SEMA3A: variants seen among roughly 807,000 people sequenced by gnomAD.
The protein encoded by SEMA3A is semaphorin 3A, also known as semaphorin-3A.
SEMA3A carries 29 observed loss-of-function variants against 97.9 expected under a neutral mutation model. The ratio of observed to expected loss-of-function variants is 0.30; its 90% confidence interval spans 0.22 to 0.40. The LOEUF (loss-of-function observed/expected upper bound fraction) is 0.40. Among genes scored for constraint, SEMA3A ranks in the 10% least tolerant of loss-of-function variants. The pLI is 1.00. For missense variants in SEMA3A, 763 were observed against 951.3 expected (o/e 0.80, Z 2.60); for synonymous variants, 321 against 323.7 (o/e 0.99, Z 0.09).
At chr7:84,125,053 T>C (rs1347277560) in intron 3 of SEMA3A, among the ~76,000 whole-genome samples, 1 of 152,044 alleles carries the variant, frequency 6.6e-6, no homozygotes, top group Non-Finnish European at 1.5e-5. Flanking sequence ...TGAAATAAAA[T>C]ATATAAAAAC....
At chr7:84,305,017 T>C (rs891247118) in intron 3 of SEMA3A, among the ~76,000 whole-genome samples, 1 of 151,988 alleles carries the variant, frequency 6.6e-6, no homozygotes, top group Non-Finnish European at 1.5e-5. Flanking sequence ...TGGAGCCATG[T>C]TGAGGGAAGA....
chr7:84,446,609 T>C (rs1805420442), intron 1 of SEMA3A, among the ~76,000 whole-genome samples: 1 of 152,168 alleles, frequency 6.6e-6, no homozygotes, highest in African/African-American at 2.4e-5. Flanking sequence ...AAATTTAACA[T>C]TACTTCATGA....
intron 1 of SEMA3A, among the ~76,000 whole-genome samples, chr7:84,191,512 C>T (rs1395744329): frequency 4.6e-5 from 7 of 151,720 alleles, no homozygotes; most frequent in Non-Finnish European, 1.0e-4. Flanking sequence ...GTGATTCATG[C>T]AGGTTTTTCT....
At chr7:84,259,901 T>C (rs1799808046) in intron 3 of SEMA3A, among the ~76,000 whole-genome samples, 1 of 151,902 alleles carries the variant, frequency 6.6e-6, no homozygotes. Flanking sequence ...GGCAAGCCCC[T>C]GGCTGTTCTC....
intron 10 of SEMA3A, among the ~76,000 whole-genome samples, 178 bp from the exon 11 acceptor site, chr7:84,005,736 C>A (rs1293678302): frequency 6.6e-6 from 1 of 151,974 alleles, no homozygotes; most frequent in Non-Finnish European, 1.5e-5. Context: ...TCACTTGAGG[C>A]CAGGAGTTGC....
intron 6 of SEMA3A, among the ~76,000 whole-genome samples, chr7:84,022,152 G>C (rs550496533): frequency 4.6e-5 from 7 of 152,202 alleles, no homozygotes; most frequent in African/African-American, 9.6e-5. Context: ...TGCATATTTG[G>C]AGATCAGAGA....
At chr7:84,329,687 C>T (rs902739643) in intron 2 of SEMA3A, among the ~76,000 whole-genome samples, 1 of 151,806 alleles carries the variant, frequency 6.6e-6, no homozygotes, top group Admixed American at 6.6e-5. Flanking sequence ...AGATGGAGGC[C>T]GTAGTTTTGT....
intron 2 of SEMA3A, among the ~76,000 whole-genome samples, chr7:84,369,101 C>A (rs1051528329): frequency 3.3e-5 from 5 of 150,706 alleles, no homozygotes; most frequent in East Asian, 1.9e-4. Context: ...CAGTGGAAAT[C>A]AAAAATATAG....
intron 1 of SEMA3A, among the ~76,000 whole-genome samples, chr7:84,416,937 G>C (rs1804452222): frequency 6.6e-6 from 1 of 152,090 alleles, no homozygotes; most frequent in African/African-American, 2.4e-5. Flanking sequence ...CAGACTTCCA[G>C]AGAGAATTAA....
At chr7:84,402,587 G>A (rs1011301853) in intron 1 of SEMA3A, among the ~76,000 whole-genome samples, 8 of 152,154 alleles carry the variant, frequency 5.3e-5, no homozygotes, top group African/African-American at 1.4e-4. Context: ...ATACGGAATC[G>A]ACCTAAGTGT....
At position 84,311,708 on chromosome 7, in the gene SEMA3A, T is replaced by C. The variant is rs112340939; in HGVS notation, c.-168-4416A>G. 3.3e-5 allele frequency among the ~76,000 whole-genome samples: 5 copies of C among 152,080 alleles called. 1 individual carries two copies. Among genetic ancestry groups the C allele is most frequent in the African/African-American group, 1.2e-4 (5 of 41,562 alleles). On this transcript the variant is annotated intron_variant, in intron 2 of 3. Transcript: ENST00000424555. Reference sequence around the variant, plus strand: ...GTTTTAGTTTCTATGAAAAAAGATATGCAAATTAAAAACTAAGAAATTTTA... The same window carrying C: ...GTTTTAGTTTCTATGAAAAAAGATACGCAAATTAAAAACTAAGAAATTTTA...
At chr7:84,429,516 T>TTTTATATATATATATACA (rs1554385260) in intron 1 of SEMA3A, among the ~76,000 whole-genome samples, 1 of 72,420 alleles carries the variant, frequency 1.4e-5, no homozygotes, top group African/African-American at 7.1e-5. Flanking sequence ...ATAGAGTTTG[T>TTTTATATATATATATACA]TATATATATA....
intron 1 of SEMA3A, among the ~76,000 whole-genome samples, chr7:84,394,773 G>T (rs764623225): frequency 2.0e-5 from 3 of 152,106 alleles, no homozygotes; most frequent in Non-Finnish European, 4.4e-5. Context: ...AGAAAAAACT[G>T]AAATGGATCT....
chr7:84,196,002 C>T (rs1402937341), upstream of SEMA3A, among the ~76,000 whole-genome samples: 1 of 152,068 alleles, frequency 6.6e-6, no homozygotes, highest in Non-Finnish European at 1.5e-5. Flanking sequence ...ATTTTTCATT[C>T]AGTTTTCCTC....
In SEMA3A at chr7:84,031,000, T is replaced by TTTG. The variant is rs1554397309; in HGVS notation, c.667+15323_667+15324insCAA. On this transcript the variant is annotated intron_variant, in intron 6 of 16. Transcript: ENST00000265362. ...ACTTTTGGTCAAGTTTTTTTTTTTT[T>TTTG]TTTTTTTTTTTGAGACGGAGTCTTG... Among the ~76,000 whole-genome samples, 692 of 144,844 alleles carry TTTG rather than the reference T, an allele frequency of 4.8e-3. 6 individuals carry two copies. The highest frequency in any genetic ancestry group is 0.017 in the African/African-American group (670 of 38,680).
At chr7:84,141,987 T>G (rs1796308309) in intron 1 of SEMA3A, among the ~76,000 whole-genome samples, 2 of 152,170 alleles carry the variant, frequency 1.3e-5, no homozygotes. Flanking sequence ...CCAGCTCCCA[T>G]ACTTCTAGAC....
At chr7:84,303,622 T>G (rs915434835) in intron 3 of SEMA3A, among the ~76,000 whole-genome samples, 1 of 152,078 alleles carries the variant, frequency 6.6e-6, no homozygotes, top group African/African-American at 2.4e-5. Flanking sequence ...TTTAGAAATT[T>G]TTCAACTTCA....
chr7:84,013,821 T>C (rs1197923608), intron 7 of SEMA3A, among the ~76,000 whole-genome samples: 1 of 152,162 alleles, frequency 6.6e-6, no homozygotes, highest in African/African-American at 2.4e-5. Context: ...CACTCCAGCC[T>C]AGGGGGCAGA....
chr7:84,423,205 C>G (rs1247132248), intron 1 of SEMA3A, among the ~76,000 whole-genome samples: 2 of 150,502 alleles, frequency 1.3e-5, no homozygotes, highest in Admixed American at 1.3e-4. Context: ...TTGTAGTTCT[C>G]ATACCATTAG....
Sources: allele counts gnomAD v4.1 joint callset (sites outside exome capture counted in the v4.1 genomes callset), GRCh38; gene constraint gnomAD v4.1.1; transcripts MANE v1.5; gene names NCBI Gene and HGNC (gene_info 2026-07-23, HGNC 2026-07-21).